RNF157: variants seen among roughly 807,000 people sequenced by gnomAD.
The protein encoded by RNF157 is ring finger protein 157, also known as E3 ubiquitin ligase RNF157.
A neutral mutation model predicts 88.3 loss-of-function variants in RNF157; 55 were observed. That is an observed-to-expected ratio of 0.62 (90% confidence interval 0.50 to 0.78). The LOEUF (loss-of-function observed/expected upper bound fraction) is 0.78. RNF157 is among the 30% of genes least tolerant of loss of function. The pLI is 0.00. For missense variants in RNF157, 788 were observed against 860.8 expected, an observed-to-expected ratio of 0.92 and a Z score of 1.06; for synonymous variants, 334 against 341.2, an observed-to-expected ratio of 0.98 and a Z score of 0.23.
At chr17:76,173,560 G>A (rs2069053366) in intron 3 of RNF157, 142 bp downstream of exon 3, 12 of 625,254 alleles carry the variant, frequency 1.9e-5, no homozygotes, top group South Asian at 1.5e-4. Context: ...AGTAGCGCCC[G>A]CACTCCTGTC....
intron 2 of RNF157, among the ~76,000 whole-genome samples, chr17:76,174,077 A>T (rs2069064285): frequency 6.8e-6 from 1 of 147,074 alleles, no homozygotes; most frequent in Non-Finnish European, 1.5e-5. Context: ...AATTAATAAT[A>T]AAAAAAAAAA....
intron 2 of RNF157, among the ~76,000 whole-genome samples, chr17:76,197,983 CA>C (rs1052963883): frequency 6.6e-6 from 1 of 152,198 alleles, no homozygotes; most frequent in African/African-American, 2.4e-5. Flanking sequence ...CCTGCTCCTC[CA>C]CCCTTCATGA....
chr17:76,191,405 G>A (rs1164996963), intron 2 of RNF157, among the ~76,000 whole-genome samples: 1 of 152,004 alleles, frequency 6.6e-6, no homozygotes, highest in Non-Finnish European at 1.5e-5. Context: ...GAGGTCAGGA[G>A]TTTAAGACCA....
At position 76,240,120 on chromosome 17, in the gene RNF157, C is replaced by A; in HGVS notation, c.88+33G>T. On this transcript the variant is annotated intron_variant, in intron 1 of 18. Transcript: ENST00000269391. This position sits in a 1 kb window ranked among gnomAD's most constrained non-coding sequence, Gnocchi z 4.4. ...CAGACCCCTGCCCCTGCCCCTCTCC[C>A]TCCTCGCGGCTGCGGCGCCCGCCCG... 8.0e-7 allele frequency: 1 copy of A among 1,256,342 alleles called. No homozygotes were observed. The highest frequency in any genetic ancestry group is 1.0e-6 in the Non-Finnish European group (1 of 984,994). 77.8% of individuals were successfully genotyped at this position (1,256,342 alleles called of 1,614,324 possible). A position where few individuals can be genotyped will look rare whatever the true frequency, so the allele number is the denominator to read the frequency against.
At position 76,223,516 on chromosome 17, in the gene RNF157, A is replaced by T. The variant is rs79676884; in HGVS notation, c.89-11034T>A. Among the ~76,000 whole-genome samples, 209 of 152,178 alleles carry T rather than the reference A, an allele frequency of 1.4e-3. 9 individuals carry two copies. In the East Asian group the frequency reaches 0.036, roughly 26 times the overall value. ...GTTCTTTACACATAAACAATACCTG[A>T]CTCTTCCTTTTCCTGTACTGTAATA... On this transcript the variant is annotated intron_variant, in intron 1 of 18. Coordinates refer to ENST00000269391, the MANE Select transcript of RNF157 (RefSeq NM_052916.3).
chr17:76,162,527 A>G, intron 9 of RNF157, 25 bp downstream of exon 9: 2 of 1,578,510 alleles, frequency 1.3e-6, no homozygotes, highest in South Asian at 2.2e-5. Flanking sequence ...GAAAGAGTAC[A>G]TTCAGAATTT....
At chr17:76,173,831 A>G in intron 2 of RNF157, 41 bp from the exon 3 acceptor site, 1 of 1,521,654 alleles carries the variant, frequency 6.6e-7, no homozygotes, top group Non-Finnish European at 9.0e-7. Context: ...TGTGTTTAAA[A>G]AGACCCACAG....
chr17:76,176,064 C>G lies in RNF157; in HGVS notation c.208-2274G>C, dbSNP rs900835017. ...GGAGAAGCTTGTTCGTGGGCTGCTACCCACCAAAGTTTGTGCCTTGCTGGC... is the reference window on the plus strand; with the variant it reads ...GGAGAAGCTTGTTCGTGGGCTGCTAGCCACCAAAGTTTGTGCCTTGCTGGC... On this transcript the variant is annotated intron_variant, in intron 2 of 18. Coordinates refer to ENST00000269391, the MANE Select transcript of RNF157 (RefSeq NM_052916.3). This position sits in a 1 kb window ranked among gnomAD's most constrained non-coding sequence, Gnocchi z 4.2. Among the ~76,000 whole-genome samples, 2 of 152,212 alleles carry G rather than the reference C, an allele frequency of 1.3e-5. No individual in the cohort carries two copies. Among genetic ancestry groups the G allele is most frequent in the African/African-American group, 2.4e-5 (1 of 41,454 alleles).
At chr17:76,218,889 A>T (rs1173440980) in intron 1 of RNF157, among the ~76,000 whole-genome samples, 2 of 152,174 alleles carry the variant, frequency 1.3e-5, no homozygotes, top group Admixed American at 6.5e-5. Context: ...GGCCAAGATC[A>T]CACCACGGCA....
chr17:76,190,130 C>G (rs1315018697), intron 2 of RNF157, among the ~76,000 whole-genome samples: 2 of 151,438 alleles, frequency 1.3e-5, no homozygotes, highest in Non-Finnish European at 2.9e-5. Context: ...ACTTATTACC[C>G]TTACTTCTGT....
At chr17:76,239,851 C>T (rs866922985) in intron 1 of RNF157, among the ~76,000 whole-genome samples, 5 of 152,162 alleles carry the variant, frequency 3.3e-5, no homozygotes, top group Admixed American at 1.3e-4. Context: ...AGCCTCGGTC[C>T]CTGCGGGCAC....
intron 2 of RNF157, among the ~76,000 whole-genome samples, chr17:76,199,541 A>G (rs1281348396): frequency 6.7e-6 from 1 of 149,026 alleles, no homozygotes; most frequent in African/African-American, 2.5e-5. Context: ...GATGTGAGCC[A>G]CTGTGCCCTG....
At chr17:76,159,927 T>G (rs2068823026) in intron 11 of RNF157, among the ~76,000 whole-genome samples, 1 of 152,224 alleles carries the variant, frequency 6.6e-6, no homozygotes, top group South Asian at 2.1e-4. Context: ...GTGTACTATT[T>G]ACACAGTTTT....
rs2068856928 is a variant in RNF157 at position 76,162,250 on chromosome 17, G to A, written c.793-248C>T. 3 of 578,910 alleles carry A rather than the reference G, an allele frequency of 5.2e-6. No individual in the cohort carries two copies. The African/African-American group carries it at 5.6e-5, about 11-fold the overall frequency. 35.9% of individuals were successfully genotyped at this position (578,910 alleles called of 1,614,324 possible). ...CTCCTCCTATAAGGCCCAGAGCTGG[G>A]CCTCTCAAATCTCAGCTGAAGGGAC... is the stretch of plus-strand genomic sequence containing the variant. On this transcript the variant is annotated intron_variant, in intron 9 of 18. Transcript: ENST00000269391.
chr17:76,191,256 G>A (rs1345918164), intron 2 of RNF157, among the ~76,000 whole-genome samples: 2 of 151,680 alleles, frequency 1.3e-5, no homozygotes, highest in African/African-American at 2.4e-5. Context: ...CAGGAGGATC[G>A]CTGGAGCCCA....
intron 1 of RNF157, chr17:76,225,777 C>T (rs557210168): frequency 3.4e-4 from 521 of 1,541,764 alleles, no homozygotes; most frequent in Non-Finnish European, 4.2e-4. Flanking sequence ...TTCCCCCTTG[C>T]CTTGCGGACC....
chr17:76,179,562 A>C (rs2069157685), intron 2 of RNF157, among the ~76,000 whole-genome samples: 1 of 152,054 alleles, frequency 6.6e-6, no homozygotes, highest in Non-Finnish European at 1.5e-5. Flanking sequence ...GTGTGGTGGC[A>C]CAGGCCTGTA....
At chr17:76,230,851 AAAAAAAAAGAG>A (rs1179855003) in intron 1 of RNF157, among the ~76,000 whole-genome samples, 81 of 113,762 alleles carry the variant, frequency 7.1e-4, no homozygotes, top group African/African-American at 3.0e-3. Context: ...AAAAAAAAAA[AAAAAAAAAGAG>A]AGAGAGAGAG....
rs566775540 is a variant in RNF157, at chr17:76,146,595, C to G, written c.1922-1242G>C. On this transcript the variant is annotated intron_variant, in intron 18 of 18. Coordinates refer to ENST00000269391, the MANE Select transcript of RNF157 (RefSeq NM_052916.3). This position sits in a 1 kb window ranked among gnomAD's most constrained non-coding sequence, Gnocchi z 4.2. ...CAGCCGTGTCTCCCAGTGGCCTCCC[C>G]TCACGAGGCATCTCTGGCCGGGGGA... is the stretch of plus-strand genomic sequence containing the variant. 1.0e-6 allele frequency: 1 copy of G among 985,468 alleles called. No individual in the cohort carries two copies. The highest frequency in any genetic ancestry group is 6.1e-5 in the Admixed American group (1 of 16,294). 61.0% of individuals were successfully genotyped at this position (985,468 alleles called of 1,614,324 possible). A position where few individuals can be genotyped will look rare whatever the true frequency, so the allele number is the denominator to read the frequency against.
Sources: allele counts gnomAD v4.1 joint callset (sites outside exome capture counted in the v4.1 genomes callset), GRCh38; gene constraint gnomAD v4.1.1; non-coding constraint Gnocchi (gnomAD v3.1); transcripts MANE v1.5; gene names NCBI Gene and HGNC (gene_info 2026-07-23, HGNC 2026-07-21).